IQCH: variants seen among roughly 807,000 people sequenced by gnomAD.
The protein encoded by IQCH is IQ motif containing H.
A neutral mutation model predicts 117.0 loss-of-function variants in IQCH; 98 were observed. The observed-to-expected ratio is 0.84, with a 90% confidence interval of 0.71 to 0.99. The LOEUF is 0.99. Ranked by LOEUF, IQCH falls within the 50% of genes least tolerant of loss-of-function variation. The pLI, the probability that IQCH is intolerant of heterozygous loss-of-function variation, is 0.00. For missense variants in IQCH, 1,102 were observed against 1,243.8 expected, an observed-to-expected ratio of 0.89 and a Z score of 1.72; for synonymous variants, 412 against 448.2, an observed-to-expected ratio of 0.92 and a Z score of 1.02.
chr15:67,350,949 T>C (rs1455929716), intron 6 of IQCH, among the ~76,000 whole-genome samples: 1 of 152,184 alleles, frequency 6.6e-6, no homozygotes, highest in Non-Finnish European at 1.5e-5. Flanking sequence ...TCTAAGGAGA[T>C]GGCCTGTATG....
chr15:67,328,534 C>T (rs1457047987), intron 4 of IQCH, among the ~76,000 whole-genome samples: 2 of 151,974 alleles, frequency 1.3e-5, no homozygotes, highest in Non-Finnish European at 2.9e-5. Context: ...GAAGTGATTT[C>T]CTACAGGAGA....
Position 67,401,142 on chromosome 15 carries a change from C to T in IQCH, c.2097+837C>T, listed in dbSNP as rs1161270768. On this transcript the variant is annotated intron_variant, in intron 14 of 20. Transcript: ENST00000335894. This position sits in a 1 kb window ranked among gnomAD's most constrained non-coding sequence, Gnocchi z 4.7. ...AAATAGTACATTCCAGCCAGAAAAT[C>T]TCCCAGCAAAAGCTGAGCTGTAGGT... Among the ~76,000 whole-genome samples, 1 of 152,200 alleles carries T rather than the reference C, an allele frequency of 6.6e-6. No homozygotes were observed. Among genetic ancestry groups the T allele is most frequent in the Non-Finnish European group, 1.5e-5 (1 of 68,042 alleles).
rs1452686772 is a variant in IQCH at position 67,447,431 on chromosome 15, C to T, written c.2506-17696C>T. 1.3e-5 allele frequency among the ~76,000 whole-genome samples: 2 copies of T among 152,140 alleles called. No individual in the cohort carries two copies. The highest frequency in any genetic ancestry group is 2.4e-5 in the African/African-American group (1 of 41,426). On this transcript the variant is annotated intron_variant, in intron 16 of 20. Transcript: ENST00000335894. The surrounding 1 kb of genome is among the most constrained non-coding windows in gnomAD (Gnocchi z 5.3). ...GAAACAGTGGCAAAGTCATGGAATC[C>T]AGATTCATCTCTCAGATAACTGAAT...
At chr15:67,316,921 A>G (rs1251778077) in intron 4 of IQCH, among the ~76,000 whole-genome samples, 2 of 152,150 alleles carry the variant, frequency 1.3e-5, no homozygotes, top group Non-Finnish European at 2.9e-5. Context: ...TGCTTTCTTA[A>G]TGACCAAGGA....
chr15:67,261,221 G>C, intron 1 of IQCH, 51 bp from the exon 2 acceptor site: 3 of 1,306,422 alleles, frequency 2.3e-6, no homozygotes, highest in Non-Finnish European at 3.1e-6. Context: ...AACTGCTATA[G>C]GTGGACTATG....
chr15:67,325,523 T>C (rs1219025867), intron 4 of IQCH, among the ~76,000 whole-genome samples: 1 of 152,116 alleles, frequency 6.6e-6, no homozygotes, highest in Non-Finnish European at 1.5e-5. Flanking sequence ...TTATCTAAAA[T>C]GAAAATACAC....
chr15:67,331,031 A>G (rs1231365017), intron 4 of IQCH, among the ~76,000 whole-genome samples: 3 of 152,238 alleles, frequency 2.0e-5, no homozygotes, highest in Non-Finnish European at 4.4e-5. Flanking sequence ...GGTACCAGAT[A>G]ATGGGAGAGG....
At chr15:67,455,331 G>C (rs1307758871) in intron 16 of IQCH, among the ~76,000 whole-genome samples, 5 of 152,066 alleles carry the variant, frequency 3.3e-5, no homozygotes, top group East Asian at 1.9e-4. Flanking sequence ...GAAATCAAGG[G>C]CTCTGAACTC....
intron 5 of IQCH, among the ~76,000 whole-genome samples, chr15:67,339,632 C>T (rs964577307): frequency 6.6e-6 from 1 of 152,144 alleles, no homozygotes; most frequent in Non-Finnish European, 1.5e-5. Context: ...CTTCAGGACT[C>T]TATTAAAAGG....
rs541066844 is a variant in IQCH at position 67,418,889 on chromosome 15, T to G, written c.2218+1838T>G. Among the ~76,000 whole-genome samples the G allele has an allele frequency of 1.1e-4, 16 of 152,220 alleles. No homozygotes were observed. In the East Asian group the frequency reaches 3.1e-3, roughly 29 times the overall value. Reference sequence around the variant, plus strand: ...CACTACGCCCAGCCTAATAAGGTTTTTTTTTTTTTTAAGTTATCGGGGGAA... The same window carrying G: ...CACTACGCCCAGCCTAATAAGGTTTGTTTTTTTTTTAAGTTATCGGGGGAA... On this transcript the variant is annotated intron_variant, in intron 15 of 20. Coordinates refer to ENST00000335894, the MANE Select transcript of IQCH (RefSeq NM_001031715.3).
At chr15:67,484,850 A>C (rs1462209992) in intron 18 of IQCH, among the ~76,000 whole-genome samples, 1 of 152,156 alleles carries the variant, frequency 6.6e-6, no homozygotes, top group Non-Finnish European at 1.5e-5. Flanking sequence ...CTTTGAAGGA[A>C]GATATTATCT....
At chr15:67,383,209 A>G (rs4776924) in intron 10 of IQCH, among the ~76,000 whole-genome samples, 1 of 151,962 alleles carries the variant, frequency 6.6e-6, no homozygotes, top group Non-Finnish European at 1.5e-5. Flanking sequence ...AGGTGTTTTC[A>G]TGTCTGTAAC....
intron 4 of IQCH, among the ~76,000 whole-genome samples, chr15:67,283,743 A>G (rs913259223): frequency 7.9e-5 from 12 of 152,126 alleles, no homozygotes; most frequent in African/African-American, 2.9e-4. Context: ...ATTTAGATAA[A>G]ACTCATGCCC....
At chr15:67,389,698 T>G (rs769147299) in intron 12 of IQCH, among the ~76,000 whole-genome samples, 3 of 152,208 alleles carry the variant, frequency 2.0e-5, no homozygotes, top group Non-Finnish European at 4.4e-5. Flanking sequence ...TAATGGACTA[T>G]GCATTTTTGA....
chr15:67,272,080 T>G (rs1296074899), intron 3 of IQCH, among the ~76,000 whole-genome samples: 3 of 152,158 alleles, frequency 2.0e-5, no homozygotes, highest in African/African-American at 7.2e-5. Context: ...TTAGGACTGC[T>G]TTTTCACTGC....
chr15:67,347,865 A>G (rs1969476000), intron 6 of IQCH, among the ~76,000 whole-genome samples: 1 of 147,264 alleles, frequency 6.8e-6, no homozygotes. Flanking sequence ...TTATATATCT[A>G]TATATTTATA....
In IQCH at chr15:67,356,808, T is replaced by C. The variant is rs1049843121; in HGVS notation, c.638-537T>C. ...ATGTGGGCCCATTCTTCCTCGACCA[T>C]GGGCTAGGTGTGTTCTCTAAAAGTT... is the stretch of plus-strand genomic sequence containing the variant. On this transcript the variant is annotated intron_variant, in intron 6 of 20. Transcript: ENST00000335894. This position sits in a 1 kb window ranked among gnomAD's most constrained non-coding sequence, Gnocchi z 5.3. 6.6e-6 allele frequency among the ~76,000 whole-genome samples: 1 copy of C among 152,182 alleles called. No homozygotes were observed.
Position 67,425,430 on chromosome 15 carries a change from G to A in IQCH, c.2505+3853G>A, listed in dbSNP as rs1177947519. Among the ~76,000 whole-genome samples the A allele has an allele frequency of 1.3e-5, 2 of 152,098 alleles. No individual in the cohort carries two copies. The highest frequency in any genetic ancestry group is 1.3e-4 in the Admixed American group (2 of 15,258). On this transcript the variant is annotated intron_variant, in intron 16 of 20. Coordinates refer to ENST00000335894, the MANE Select transcript of IQCH (RefSeq NM_001031715.3). This position sits in a 1 kb window ranked among gnomAD's most constrained non-coding sequence, Gnocchi z 5.5. Reference sequence around the variant, plus strand: ...AGTTCAAGACCAGCTTGGCCAATATGGTGAAACCCCATCTCTACTAAAAAT... The same window carrying A: ...AGTTCAAGACCAGCTTGGCCAATATAGTGAAACCCCATCTCTACTAAAAAT...
At position 67,493,965 on chromosome 15, in the gene IQCH, A is replaced by G. The variant is rs1273829336; in HGVS notation, c.2862-293A>G. Among the ~76,000 whole-genome samples the G allele has an allele frequency of 6.6e-6, 1 of 152,212 alleles. No homozygotes were observed. Among genetic ancestry groups the G allele is most frequent in the African/African-American group, 2.4e-5 (1 of 41,446 alleles). On this transcript the variant is annotated intron_variant, in intron 19 of 20. Coordinates refer to ENST00000335894, the MANE Select transcript of IQCH (RefSeq NM_001031715.3). The surrounding 1 kb of genome is among the most constrained non-coding windows in gnomAD (Gnocchi z 5.1). ...AGAATGATGGGCTTAAACCATTTTT[A>G]AAATGAACTCGTACAACATCCTAGC... is the stretch of plus-strand genomic sequence containing the variant.
Sources: gnomAD v4.1 joint callset for allele counts (sites outside exome capture counted in the v4.1 genomes callset) on GRCh38, gnomAD v4.1.1 for gene constraint, Gnocchi (gnomAD v3.1) non-coding constraint, MANE v1.5 for transcripts, NCBI Gene and HGNC (gene_info 2026-07-23, HGNC 2026-07-21) for gene names.